The following SLC25A30 variants were observed in gnomAD, a reference collection of about 807,000 sequenced individuals.
SLC25A30 encodes solute carrier family 25 member 30.
In SLC25A30, 29 loss-of-function variants were observed where a neutral mutation model predicts 42.7. That is an observed-to-expected ratio of 0.68 (90% CI 0.51 to 0.93). The LOEUF is 0.93. Ranked by LOEUF, SLC25A30 falls within the 40% of genes least tolerant of loss-of-function variation. The probability of loss-of-function intolerance (pLI) is 0.00; values close to 1 mark genes in which losing one functional copy is unlikely to be tolerated. For synonymous variants in SLC25A30, 124 were observed against 131.0 expected (o/e 0.95, Z 0.37); for missense variants, 300 against 359.7 (o/e 0.83, Z 1.34).
chr13:45,424,891 T>TAAA, the SLC25A30 span, among the ~76,000 whole-genome samples: 3 of 36,384 alleles, frequency 8.2e-5, no homozygotes, highest in African/African-American at 2.9e-4. Context: ...TAAATATATA[T>TAAA]TTAAATATAT....
chr13:45,408,055 A>G (rs1364657560), intron 3 of SLC25A30, among the ~76,000 whole-genome samples: 1 of 152,190 alleles, frequency 6.6e-6, no homozygotes, highest in East Asian at 1.9e-4. Context: ...GATCAGGTCC[A>G]TCCTCCTACT....
the SLC25A30 span, among the ~76,000 whole-genome samples, chr13:45,424,618 AATAT>A: frequency 1.5e-5 from 1 of 66,792 alleles, no homozygotes; most frequent in African/African-American, 5.5e-5. Flanking sequence ...AATATATATA[AATAT>A]ATATAAATAT....
At chr13:45,402,391 C>T in intron 5 of SLC25A30, 21 bp from the exon 6 acceptor site, 1 of 1,595,606 alleles carries the variant, frequency 6.3e-7, no homozygotes, top group Non-Finnish European at 8.6e-7. Context: ...TTTTAAAGAC[C>T]AACATCAGAA....
rs537023167 is a variant in SLC25A30, at chr13:45,406,771, AC to A, written c.213-795del. The stretch of plus-strand genomic sequence containing the variant: ...GTATAAGCTCTTTGCAGTGTGTGCC[AC>A]TGTTTACCCTTTGTCCTACTTGTAG... On this transcript the variant is annotated intron_variant, in intron 3 of 9. Transcript: ENST00000519676. Among the ~76,000 whole-genome samples, 4 of 152,148 alleles carry A rather than the reference AC, an allele frequency of 2.6e-5. No individual in the cohort carries two copies. In the South Asian group the frequency reaches 8.3e-4, roughly 32 times the overall value.
the SLC25A30 span, among the ~76,000 whole-genome samples, chr13:45,424,773 T>TAAAA: frequency 6.4e-3 from 387 of 60,134 alleles, 28 homozygotes; most frequent in African/African-American, 0.022. Context: ...TATAAATATA[T>TAAAA]ATATATAAAT....
chr13:45,424,726 T>G, the SLC25A30 span, among the ~76,000 whole-genome samples: 29 of 66,538 alleles, frequency 4.4e-4, 8 homozygotes, highest in Non-Finnish European at 7.0e-4. Context: ...TAAATATATA[T>G]AAATATGTAT....
the SLC25A30 span, among the ~76,000 whole-genome samples, chr13:45,427,270 A>G: frequency 6.6e-6 from 1 of 152,166 alleles, no homozygotes; most frequent in Non-Finnish European, 1.5e-5. Context: ...AGCATAGGAT[A>G]AAGTTGTTCT....
chr13:45,423,324 A>G (rs1883940586), upstream of SLC25A30, among the ~76,000 whole-genome samples: 4 of 151,696 alleles, frequency 2.6e-5, 1 homozygote, highest in South Asian at 8.3e-4. Context: ...ACAACAGTGC[A>G]GGGAAACTCA....
At chr13:45,420,611 C>T (rs1883868731), upstream of SLC25A30, among the ~76,000 whole-genome samples, 1 of 152,198 alleles carries the variant, frequency 6.6e-6, no homozygotes, top group African/African-American at 2.4e-5. Flanking sequence ...GCCCCACCAG[C>T]CCATGCTAAT....
chr13:45,424,606 T>G, the SLC25A30 span, among the ~76,000 whole-genome samples: 7,070 of 54,694 alleles, frequency 0.13, 1,266 homozygotes, highest in African/African-American at 0.3. Context: ...TAAATATATA[T>G]AAATATATAT....
the SLC25A30 span, among the ~76,000 whole-genome samples, chr13:45,423,731 AATATATAT>A: frequency 8.0e-5 from 2 of 25,074 alleles, no homozygotes; most frequent in Non-Finnish European, 1.2e-4. Flanking sequence ...AATATATATA[AATATATAT>A]AAATATATAA....
chr13:45,406,576 C>A (rs1882532890), intron 3 of SLC25A30, among the ~76,000 whole-genome samples: 1 of 152,162 alleles, frequency 6.6e-6, no homozygotes, highest in South Asian at 2.1e-4. Flanking sequence ...CTCCAAACCA[C>A]AACCACGTTG....
the SLC25A30 span, among the ~76,000 whole-genome samples, chr13:45,424,152 T>TATAA: frequency 3.7e-3 from 320 of 87,198 alleles, 3 homozygotes; most frequent in African/African-American, 0.015. Context: ...AATATAAGTA[T>TATAA]ATATATAGAA....
chr13:45,423,556 A>C, the SLC25A30 span, among the ~76,000 whole-genome samples: 9 of 115,006 alleles, frequency 7.8e-5, no homozygotes, highest in Non-Finnish European at 1.2e-4. Flanking sequence ...AAATACATAA[A>C]AAAAATATAT....
upstream of SLC25A30, among the ~76,000 whole-genome samples, chr13:45,421,733 C>T (rs1318352448): frequency 6.6e-6 from 1 of 152,152 alleles, no homozygotes; most frequent in Non-Finnish European, 1.5e-5. Flanking sequence ...AATGTAAGTG[C>T]TGTAGAAATA....
chr13:45,430,942 T>C, the SLC25A30 span, among the ~76,000 whole-genome samples: 1 of 152,132 alleles, frequency 6.6e-6, no homozygotes, highest in Non-Finnish European at 1.5e-5. Context: ...GCCTCAGGGC[T>C]CTATCATGAG....
chr13:45,405,578 A>G (rs1415118269), intron 4 of SLC25A30, among the ~76,000 whole-genome samples: 2 of 152,260 alleles, frequency 1.3e-5, no homozygotes, highest in Non-Finnish European at 2.9e-5. Context: ...ATGACAATTC[A>G]TATGATTTTA....
At chr13:45,428,370 G>A in the SLC25A30 span, among the ~76,000 whole-genome samples, 18 of 150,788 alleles carry the variant, frequency 1.2e-4, 1 homozygote, top group Middle Eastern at 3.5e-3. Flanking sequence ...CACCACACCC[G>A]GCTAATTTTT....
intron 1 of SLC25A30, among the ~76,000 whole-genome samples, chr13:45,413,130 C>T (rs778792429): frequency 2.6e-5 from 4 of 152,052 alleles, no homozygotes; most frequent in Non-Finnish European, 4.4e-5. Context: ...TGGATATTAA[C>T]CAAATTCATA....
Sources: allele counts gnomAD v4.1 joint callset (sites outside exome capture counted in the v4.1 genomes callset), GRCh38; gene constraint gnomAD v4.1.1; transcripts MANE v1.5; gene names NCBI Gene and HGNC (gene_info 2026-07-23, HGNC 2026-07-21).